GRM7: variants seen among roughly 807,000 people sequenced by gnomAD.
GRM7 encodes glutamate metabotropic receptor 7, also known as metabotropic glutamate receptor 7.
In GRM7, 35 loss-of-function variants were observed where a neutral mutation model predicts 84.5. That is an observed-to-expected ratio of 0.41 (90% CI 0.32 to 0.55). GRM7 has a LOEUF of 0.55. GRM7 is among the 20% of genes least tolerant of loss of function. The pLI is 0.19. For synonymous variants in GRM7, 487 were observed against 455.1 expected, an observed-to-expected ratio of 1.07 and a Z score of -0.89; for missense variants, 1,003 against 1,194.6, an observed-to-expected ratio of 0.84 and a Z score of 2.36.
chr3:7,306,418 C>T (rs1395904062), intron 3 of GRM7, 80 bp from the exon 4 acceptor site: 6 of 1,232,034 alleles, frequency 4.9e-6, no homozygotes, highest in Non-Finnish European at 3.6e-6. Context: ...TAGTACCTTT[C>T]CTTTTGCTGA....
chr3:6,921,422 C>T (rs1032581189), intron 1 of GRM7, among the ~76,000 whole-genome samples: 1 of 152,088 alleles, frequency 6.6e-6, no homozygotes, highest in African/African-American at 2.4e-5. Context: ...ACCTGTGCCC[C>T]GAGGGAAAGC....
intron 7 of GRM7, among the ~76,000 whole-genome samples, chr3:7,529,926 T>TG (rs397800836): frequency 3.5e-5 from 5 of 144,536 alleles, no homozygotes; most frequent in Non-Finnish European, 7.6e-5. Context: ...TTTTTTTTTT[T>TG]GTCAGTTCAA....
chr3:7,210,920 T>C lies in GRM7; in HGVS notation c.736+64252T>C, dbSNP rs144971005. 1.8e-4 allele frequency among the ~76,000 whole-genome samples: 28 copies of C among 152,140 alleles called. 1 individual carries two copies. The East Asian group carries it at 3.3e-3, about 18-fold the overall frequency. On this transcript the variant is annotated intron_variant, in intron 2 of 9. Transcript: ENST00000357716. ...AATTCATAAAATGGGGACTACCCAATATTAGAAATGAAAATCACTTATTAA... is the reference window on the plus strand; with the variant it reads ...AATTCATAAAATGGGGACTACCCAACATTAGAAATGAAAATCACTTATTAA...
At chr3:7,450,612 G>A (rs939338333) in intron 5 of GRM7, among the ~76,000 whole-genome samples, 8 of 152,118 alleles carry the variant, frequency 5.3e-5, no homozygotes, top group Admixed American at 4.6e-4. Flanking sequence ...TTGTCCTCAT[G>A]AGAGAAAGGA....
intron 1 of GRM7, among the ~76,000 whole-genome samples, chr3:7,101,870 C>T (rs1339869518): frequency 6.7e-6 from 1 of 149,852 alleles, no homozygotes; most frequent in Non-Finnish European, 1.5e-5. Context: ...AGTGTTGCTT[C>T]CAAAGATGAC....
At chr3:6,946,496 T>C (rs921244694) in intron 1 of GRM7, among the ~76,000 whole-genome samples, 4 of 152,234 alleles carry the variant, frequency 2.6e-5, no homozygotes, top group African/African-American at 4.8e-5. Flanking sequence ...GGTAGCGTGA[T>C]GCTTCCAGCT....
chr3:7,030,079 T>C (rs1439745032), intron 1 of GRM7, among the ~76,000 whole-genome samples: 1 of 152,158 alleles, frequency 6.6e-6, no homozygotes, highest in Non-Finnish European at 1.5e-5. Flanking sequence ...CATATGGTGA[T>C]ATGTCCATAG....
chr3:7,447,021 G>A (rs1225698666), intron 5 of GRM7, among the ~76,000 whole-genome samples: 5 of 149,630 alleles, frequency 3.3e-5, no homozygotes, highest in African/African-American at 1.2e-4. Flanking sequence ...GGTTAAAAGA[G>A]TGTGCCTTTT....
At chr3:7,484,327 C>T (rs1699242838) in intron 7 of GRM7, among the ~76,000 whole-genome samples, 1 of 152,156 alleles carries the variant, frequency 6.6e-6, no homozygotes, top group Non-Finnish European at 1.5e-5. Flanking sequence ...TAATTGTTCA[C>T]TTGTGCCAGT....
rs201635615 is a variant in GRM7, at chr3:7,052,386, T to G, written c.520-94066T>G. ...TAGGCATTGATTTTTTTCTTCTGTT[T>G]TTGTTAGTTTAATTGAGGTTTAATT... On this transcript the variant is annotated intron_variant, in intron 1 of 9. Transcript: ENST00000357716. 3.3e-5 allele frequency among the ~76,000 whole-genome samples: 5 copies of G among 151,700 alleles called. No homozygotes were observed. The East Asian group carries it at 9.7e-4, about 29-fold the overall frequency.
intron 1 of GRM7, among the ~76,000 whole-genome samples, chr3:7,124,482 G>A (rs930003885): frequency 2.0e-5 from 3 of 152,166 alleles, no homozygotes; most frequent in Admixed American, 1.3e-4. Flanking sequence ...CTCCAACCTG[G>A]AGTGATATCC....
chr3:7,334,450 G>A (rs756213187), intron 4 of GRM7, among the ~76,000 whole-genome samples: 8 of 149,314 alleles, frequency 5.4e-5, no homozygotes, highest in East Asian at 3.9e-4. Flanking sequence ...AATAGAATCC[G>A]CCCAAAGCAT....
At chr3:7,091,803 G>A (rs1046805237) in intron 1 of GRM7, among the ~76,000 whole-genome samples, 1 of 150,268 alleles carries the variant, frequency 6.7e-6, no homozygotes. Context: ...TAGAAACCCT[G>A]AATTATACAG....
chr3:7,126,344 G>GAGGTCAAATGTGTGGCACTC (rs1359549092), intron 1 of GRM7, among the ~76,000 whole-genome samples: 1 of 152,178 alleles, frequency 6.6e-6, no homozygotes, highest in East Asian at 1.9e-4. Context: ...TAGATCAACA[G>GAGGTCAAATGTGTGGCACTC]AGGTCAAATG....
chr3:7,216,007 A>G (rs150764541), intron 2 of GRM7, among the ~76,000 whole-genome samples: 167 of 152,346 alleles, frequency 1.1e-3, no homozygotes, highest in Middle Eastern at 3.4e-3. Context: ...AATATTCACT[A>G]TTTAAAAAAC....
chr3:7,507,551 C>G (rs982622649), intron 7 of GRM7, among the ~76,000 whole-genome samples: 1 of 152,172 alleles, frequency 6.6e-6, no homozygotes, highest in South Asian at 2.1e-4. Context: ...ACCAATTAAC[C>G]TATCAGCAGA....
chr3:7,446,059 T>C (rs765534994), intron 5 of GRM7, among the ~76,000 whole-genome samples: 2 of 152,198 alleles, frequency 1.3e-5, no homozygotes, highest in Non-Finnish European at 2.9e-5. Context: ...TCACTTACAA[T>C]AGATCCAAAC....
At chr3:7,128,508 G>GTTT (rs1337942490) in intron 1 of GRM7, among the ~76,000 whole-genome samples, 5 of 74,912 alleles carry the variant, frequency 6.7e-5, no homozygotes, top group African/African-American at 1.2e-4. Flanking sequence ...AGACTTCCTT[G>GTTT]TTTTTTTTTT....
intron 9 of GRM7, chr3:7,681,461 GTCTC>G (rs1463944566): frequency 1.3e-5 from 2 of 152,222 alleles, no homozygotes; most frequent in Non-Finnish European, 2.9e-5. Context: ...ATTTTGGCCT[GTCTC>G]TATTTATGAA....
Sources: gnomAD v4.1 joint callset for allele counts (sites outside exome capture counted in the v4.1 genomes callset) on GRCh38, gnomAD v4.1.1 for gene constraint, MANE v1.5 for transcripts, NCBI Gene and HGNC (gene_info 2026-07-23, HGNC 2026-07-21) for gene names.